Variants in ISM1 observed in about 807,000 individuals in gnomAD.
The protein encoded by ISM1 is isthmin 1.
ISM1 carries 25 observed loss-of-function variants against 46.3 expected under a neutral mutation model. The ratio of observed to expected loss-of-function variants is 0.54; its 90% CI spans 0.39 to 0.75. The LOEUF is 0.75. ISM1 is among the 30% of genes least tolerant of loss of function. The probability of loss-of-function intolerance (pLI) is 0.00; values close to 1 mark genes in which losing one functional copy is unlikely to be tolerated. For missense variants in ISM1, 536 were observed against 625.4 expected, an observed-to-expected ratio of 0.86 and a Z score of 1.52; for synonymous variants, 255 against 256.7, an observed-to-expected ratio of 0.99 and a Z score of 0.06.
chr20:13,272,495 G>A (rs1351497815), intron 2 of ISM1, among the ~76,000 whole-genome samples: 2 of 152,236 alleles, frequency 1.3e-5, no homozygotes, highest in Non-Finnish European at 2.9e-5. Flanking sequence ...TGAAGACAGA[G>A]GAGGAAAAGC....
chr20:13,221,731 G>C lies in ISM1; in HGVS notation c.-46G>C. 3 of 1,342,018 alleles carry C rather than the reference G, an allele frequency of 2.2e-6. No individual in the cohort carries two copies. The highest frequency in any genetic ancestry group is 2.9e-6 in the Non-Finnish European group (3 of 1,049,814). 83.1% of individuals were successfully genotyped at this position (1,342,018 alleles called of 1,614,324 possible). A position where few individuals can be genotyped will look rare whatever the true frequency, so the allele number is the denominator to read the frequency against. On this transcript the variant is annotated 5_prime_UTR_variant, in exon 1 of 6. Transcript: ENST00000262487. ...CTCCTCCCCCGGCGTCACCGCCGCC[G>C]CCGCCGGCCGCCGCGCCGGGTCCTA...
In ISM1 at chr20:13,299,548, T is replaced by A; in HGVS notation, c.*89T>A. On this transcript the variant is annotated 3_prime_UTR_variant, in exon 6 of 6. Transcript: ENST00000262487. This position sits in a 1 kb window ranked among gnomAD's most constrained non-coding sequence, Gnocchi z 5.8. ...GTGCCGACTGGCGCCGAGACCTTCA[T>A]AGCTGCGGTCGTGTATATTTGTATA... 2.5e-6 allele frequency: 3 copies of A among 1,194,228 alleles called. No homozygotes were observed. Among genetic ancestry groups the A allele is most frequent in the Non-Finnish European group, 3.5e-6 (3 of 847,234 alleles). 74.0% of individuals were successfully genotyped at this position (1,194,228 alleles called of 1,614,324 possible).
chr20:13,295,423 A>G (rs899232243), intron 5 of ISM1, among the ~76,000 whole-genome samples: 2 of 152,210 alleles, frequency 1.3e-5, no homozygotes, highest in East Asian at 3.9e-4. Context: ...TTCTGCTCCC[A>G]TGAAACTGAA....
downstream of ISM1, among the ~76,000 whole-genome samples, chr20:13,303,223 C>A (rs1184436444): frequency 6.6e-6 from 1 of 152,208 alleles, no homozygotes; most frequent in Admixed American, 6.5e-5. Context: ...CCTGTGCTCT[C>A]CTCTCCTCCT....
At chr20:13,285,894 C>T (rs1175086916) in intron 3 of ISM1, among the ~76,000 whole-genome samples, 1 of 152,178 alleles carries the variant, frequency 6.6e-6, no homozygotes, top group South Asian at 2.1e-4. Context: ...CAAATTTGCT[C>T]TCTACATTGC....
At chr20:13,249,774 TGTTGC>T (rs1168446499) in intron 1 of ISM1, among the ~76,000 whole-genome samples, 1 of 134,094 alleles carries the variant, frequency 7.5e-6, no homozygotes, top group African/African-American at 3.0e-5. Context: ...CATCATTTTT[TGTTGC>T]GTTTTGTTTT....
intron 2 of ISM1, among the ~76,000 whole-genome samples, chr20:13,273,068 G>A (rs774451611): frequency 1.1e-4 from 17 of 152,092 alleles, no homozygotes; most frequent in Non-Finnish European, 2.1e-4. Context: ...GAAGGCTGCC[G>A]GGGACTGTTC....
chr20:13,321,672 C>T, the ISM1 span, among the ~76,000 whole-genome samples: 1 of 152,206 alleles, frequency 6.6e-6, no homozygotes, highest in African/African-American at 2.4e-5. Flanking sequence ...CAAAGACATG[C>T]TTGTGAAGCT....
intron 2 of ISM1, among the ~76,000 whole-genome samples, chr20:13,277,503 C>T (rs1022183018): frequency 6.6e-6 from 1 of 152,208 alleles, no homozygotes; most frequent in African/African-American, 2.4e-5. Flanking sequence ...CTCTACCCAG[C>T]TGTGTGCTCC....
At chr20:13,230,798 A>G (rs2039580170) in intron 1 of ISM1, among the ~76,000 whole-genome samples, 1 of 152,232 alleles carries the variant, frequency 6.6e-6, no homozygotes, top group Admixed American at 6.5e-5. Flanking sequence ...TTTTATTTAA[A>G]CCTTATACAA....
chr20:13,299,138 G>A lies in ISM1; in HGVS notation c.1074G>A (p.Leu358=). Residue 358 remains leucine (L), a synonymous_variant, in exon 6 of 6, where the codon CTG becomes CTA. Transcript: ENST00000262487. This position sits in a 1 kb window ranked among gnomAD's most constrained non-coding sequence, Gnocchi z 5.8. ...ACGCCAGCGGGCCCAAGGAGAAGCT[G>A]GAGATCTACAAGCCCACTGCCCGGT... ...WKDASGPKEK[L]EIYKPTARYC... is the part of the protein sequence containing the mutation. 1 of 1,612,630 alleles carries A rather than the reference G, an allele frequency of 6.2e-7. No individual in the cohort carries two copies. Among genetic ancestry groups the A allele is most frequent in the South Asian group, 1.1e-5 (1 of 90,848 alleles).
At chr20:13,250,499 CA>C (rs774166166) in intron 1 of ISM1, among the ~76,000 whole-genome samples, 2 of 152,154 alleles carry the variant, frequency 1.3e-5, no homozygotes, top group Non-Finnish European at 2.9e-5. Flanking sequence ...ACCATGGCAA[CA>C]CAGTTAAGCA....
chr20:13,308,849 C>T, the ISM1 span, among the ~76,000 whole-genome samples: 1 of 152,094 alleles, frequency 6.6e-6, no homozygotes, highest in Non-Finnish European at 1.5e-5. Flanking sequence ...ATGAGATTAG[C>T]ATCCTTACAA....
downstream of ISM1, among the ~76,000 whole-genome samples, chr20:13,302,461 T>A (rs907885779): frequency 3.3e-5 from 5 of 152,206 alleles, no homozygotes; most frequent in African/African-American, 1.2e-4. Flanking sequence ...CATGCCTAGG[T>A]TGTCTAATAA....
the ISM1 span, among the ~76,000 whole-genome samples, chr20:13,325,440 A>G: frequency 6.6e-6 from 1 of 152,296 alleles, no homozygotes; most frequent in East Asian, 1.9e-4. Flanking sequence ...ATTTCCACAC[A>G]GGCAGAAGAG....
In ISM1 at chr20:13,286,850, G is replaced by A. The variant is rs116910680; in HGVS notation, c.644-1690G>A. On this transcript the variant is annotated intron_variant, in intron 3 of 5. Transcript: ENST00000262487. ...TATGTAATAACAATCGCCACGACCT[G>A]TTATGAACAGAGGGTACTCCCTCCC... Among the ~76,000 whole-genome samples the A allele has an allele frequency of 4.1e-3, 617 of 152,328 alleles. 3 individuals are homozygous for A. Among genetic ancestry groups the A allele is most frequent in the Non-Finnish European group, 6.2e-3 (424 of 68,026 alleles).
Position 13,299,444 on chromosome 20 carries a change from G to A in ISM1, c.1380G>A (p.Glu460=), listed in dbSNP as rs1388913214. The change falls in exon 6 of 6, where the codon GAG becomes GAA. Residue 460 remains glutamate, a synonymous_variant. Transcript: ENST00000262487. The surrounding 1 kb of genome is among the most constrained non-coding windows in gnomAD (Gnocchi z 5.8). ...AGGACTACATCAAGCAGTTCCAAGA[G>A]GCCAGGGAATATTAAAGAGACTGGG... ...SDEDYIKQFQ[E]AREY The A allele has an allele frequency of 6.2e-7, 1 of 1,601,038 alleles. No individual in the cohort carries two copies.
chr20:13,256,848 C>T (rs752595990), intron 1 of ISM1, among the ~76,000 whole-genome samples: 15 of 152,134 alleles, frequency 9.9e-5, no homozygotes, highest in East Asian at 1.9e-4. Flanking sequence ...GAAAGCCAAT[C>T]GGTAGAAGTG....
At chr20:13,313,759 T>C in the ISM1 span, among the ~76,000 whole-genome samples, 1 of 152,118 alleles carries the variant, frequency 6.6e-6, no homozygotes, top group Non-Finnish European at 1.5e-5. Flanking sequence ...AGGCAAAAAC[T>C]ACAGTTTAAA....
Sources: gnomAD v4.1 joint callset for allele counts (sites outside exome capture counted in the v4.1 genomes callset) on GRCh38, gnomAD v4.1.1 for gene constraint, Gnocchi (gnomAD v3.1) non-coding constraint, MANE v1.5 for transcripts, NCBI Gene and HGNC (gene_info 2026-07-23, HGNC 2026-07-21) for gene names.